The following GPHN variants were observed in gnomAD, a reference collection of about 807,000 sequenced individuals.
GPHN encodes gephyrin.
Under a neutral mutation model 95.5 loss-of-function variants are expected in GPHN, and 17 were observed. The ratio of observed to expected loss-of-function variants is 0.18; its 90% CI spans 0.12 to 0.27. GPHN has a LOEUF of 0.27. GPHN is among the 10% of genes least tolerant of loss of function. The probability of loss-of-function intolerance (pLI) is 1.00; values close to 1 mark genes in which losing one functional copy is unlikely to be tolerated. For synonymous variants in GPHN, 320 were observed against 322.5 expected (o/e 0.99, Z 0.08); for missense variants, 660 against 978.1 (o/e 0.67, Z 4.34).
the GPHN span, among the ~76,000 whole-genome samples, chr14:67,304,423 C>T: frequency 4.6e-5 from 7 of 152,070 alleles, no homozygotes; most frequent in South Asian, 4.1e-4. Context: ...GAATCAAAGA[C>T]AAAATATGTA....
At chr14:67,449,393 C>T in the GPHN span, among the ~76,000 whole-genome samples, 1 of 152,100 alleles carries the variant, frequency 6.6e-6, no homozygotes, top group Non-Finnish European at 1.5e-5. Flanking sequence ...GGTAGGCACT[C>T]GGGAGGGCCT....
At chr14:66,718,740 A>C (rs1424393132) in intron 2 of GPHN, among the ~76,000 whole-genome samples, 1 of 152,052 alleles carries the variant, frequency 6.6e-6, no homozygotes, top group Non-Finnish European at 1.5e-5. Context: ...TGCACTTACA[A>C]TCCTCTAGCT....
At chr14:66,874,797 G>A (rs964250869) in intron 4 of GPHN, among the ~76,000 whole-genome samples, 1 of 152,316 alleles carries the variant, frequency 6.6e-6, no homozygotes, top group East Asian at 1.9e-4. Context: ...GTACTTGAAA[G>A]TGACAGGGAG....
intron 11 of GPHN, among the ~76,000 whole-genome samples, chr14:67,087,027 G>A (rs2076928079): frequency 8.2e-6 from 1 of 121,338 alleles, no homozygotes; most frequent in South Asian, 2.8e-4. Flanking sequence ...GACAGAGCAA[G>A]ACTCTGTCTC....
At chr14:67,491,269 C>T in the GPHN span, among the ~76,000 whole-genome samples, 1 of 152,148 alleles carries the variant, frequency 6.6e-6, no homozygotes, top group African/African-American at 2.4e-5. Flanking sequence ...CCACCAGCAC[C>T]GCCACATGTT....
chr14:67,087,666 A>G (rs2076962735), intron 11 of GPHN, among the ~76,000 whole-genome samples: 1 of 152,166 alleles, frequency 6.6e-6, no homozygotes, highest in African/African-American at 2.4e-5. Flanking sequence ...TGGTCCGAAT[A>G]TAAATTTAAA....
At chr14:66,590,221 G>A (rs747404449) in intron 1 of GPHN, among the ~76,000 whole-genome samples, 5 of 152,102 alleles carry the variant, frequency 3.3e-5, no homozygotes, top group African/African-American at 4.8e-5. Context: ...AGGAGAAAGC[G>A]GGCAAGATCT....
At chr14:66,904,030 C>G (rs192899540) in intron 5 of GPHN, among the ~76,000 whole-genome samples, 1 of 151,956 alleles carries the variant, frequency 6.6e-6, no homozygotes, top group Non-Finnish European at 1.5e-5. Flanking sequence ...TGTTGTAGCT[C>G]CTATTGTTTG....
chr14:66,705,299 T>A (rs1306657307), intron 2 of GPHN, among the ~76,000 whole-genome samples: 1 of 98,720 alleles, frequency 1.0e-5, no homozygotes, highest in East Asian at 3.7e-4. Flanking sequence ...GAGGGACTCC[T>A]CCCTAACTCA....
At chr14:67,627,702 A>C in the GPHN span, among the ~76,000 whole-genome samples, 1 of 152,228 alleles carries the variant, frequency 6.6e-6, no homozygotes, top group East Asian at 1.9e-4. Context: ...AGGGAGGCCA[A>C]GGTGGGAAGA....
the GPHN span, among the ~76,000 whole-genome samples, chr14:67,316,109 A>G: frequency 6.6e-6 from 1 of 152,224 alleles, no homozygotes; most frequent in Non-Finnish European, 1.5e-5. Context: ...AAATAAAATA[A>G]AAAAGTGGAA....
At chr14:67,303,181 T>C in the GPHN span, among the ~76,000 whole-genome samples, 1 of 152,216 alleles carries the variant, frequency 6.6e-6, no homozygotes, top group Admixed American at 6.5e-5. Context: ...TATTGGATAG[T>C]GCTAGTATAA....
chr14:67,173,590 G>A (rs1221470551), intron 21 of GPHN, among the ~76,000 whole-genome samples: 1 of 152,064 alleles, frequency 6.6e-6, no homozygotes, highest in Non-Finnish European at 1.5e-5. Flanking sequence ...CAGAAAGATT[G>A]GAAGAAAGAA....
the GPHN span, chr14:67,572,179 C>A: frequency 1.2e-6 from 2 of 1,607,660 alleles, no homozygotes; most frequent in Non-Finnish European, 1.7e-6. Flanking sequence ...CTACGCCATC[C>A]CCCCGGACGC....
At chr14:67,524,568 A>T in the GPHN span, among the ~76,000 whole-genome samples, 556 of 152,210 alleles carry the variant, frequency 3.7e-3, 2 homozygotes, top group African/African-American at 0.013. Flanking sequence ...AGCTAGCTTC[A>T]TTTTCCTTCT....
rs566589083 is a variant in GPHN, at chr14:66,546,617, C to T, written c.64+38026C>T. Among the ~76,000 whole-genome samples the T allele has an allele frequency of 3.7e-3, 557 of 152,218 alleles. 12 individuals carry two copies. Among genetic ancestry groups the T allele is most frequent in the African/African-American group, 0.013 (530 of 41,536 alleles). On this transcript the variant is annotated intron_variant, in intron 1 of 22. Coordinates refer to ENST00000478722, the MANE Select transcript of GPHN (RefSeq NM_020806.5). ...AAACCCCGTCTCCACCAAAAAAATACGAAAACCAGTCAGGCGTGGCGGCGC... is the reference window on the plus strand; with the variant it reads ...AAACCCCGTCTCCACCAAAAAAATATGAAAACCAGTCAGGCGTGGCGGCGC...
chr14:66,626,338 A>C (rs897202162), intron 1 of GPHN, among the ~76,000 whole-genome samples: 1 of 152,044 alleles, frequency 6.6e-6, no homozygotes, highest in Non-Finnish European at 1.5e-5. Flanking sequence ...CCAAATTTTG[A>C]TGTTTTATTT....
intron 9 of GPHN, among the ~76,000 whole-genome samples, chr14:67,023,178 C>G (rs546766709): frequency 6.6e-6 from 1 of 151,938 alleles, no homozygotes; most frequent in Non-Finnish European, 1.5e-5. Context: ...AAGGATTTCT[C>G]TATTTTCCTC....
At chr14:67,265,974 G>A in the GPHN span, among the ~76,000 whole-genome samples, 2 of 151,902 alleles carry the variant, frequency 1.3e-5, no homozygotes, top group African/African-American at 4.8e-5. Flanking sequence ...ATCTGTAAAA[G>A]TATTATTTAT....
Sources: allele counts gnomAD v4.1 joint callset (sites outside exome capture counted in the v4.1 genomes callset), GRCh38; gene constraint gnomAD v4.1.1; transcripts MANE v1.5; gene names NCBI Gene and HGNC (gene_info 2026-07-23, HGNC 2026-07-21).